The following STPG2 variants were observed in gnomAD, a reference collection of about 807,000 sequenced individuals.
STPG2 encodes sperm tail PG-rich repeat containing 2.
STPG2 carries 56 observed loss-of-function variants against 54.2 expected under a neutral mutation model. That is an observed-to-expected ratio of 1.03 (90% CI 0.83 to 1.29). The LOEUF is 1.29. STPG2 is among the 50% of genes most tolerant of loss of function. The pLI is 0.00. For synonymous variants in STPG2, 200 were observed against 181.8 expected (o/e 1.10, Z -0.81); for missense variants, 596 against 544.9 (o/e 1.09, Z -0.93).
intron 8 of STPG2, among the ~76,000 whole-genome samples, chr4:97,906,981 A>G (rs919295082): frequency 7.4e-5 from 11 of 148,976 alleles, no homozygotes; most frequent in Non-Finnish European, 1.7e-4. Flanking sequence ...CTCTCTCACC[A>G]CTCCTATTCA....
At chr4:97,927,921 A>C (rs748474372) in intron 8 of STPG2, among the ~76,000 whole-genome samples, 4 of 152,144 alleles carry the variant, frequency 2.6e-5, no homozygotes, top group Non-Finnish European at 5.9e-5. Context: ...TGTGATACAC[A>C]GTGTTTTGTG....
At chr4:97,520,207 A>AAAATG (rs1731153703) in intron 4 of STPG2, among the ~76,000 whole-genome samples, 1 of 151,946 alleles carries the variant, frequency 6.6e-6, no homozygotes, top group Non-Finnish European at 1.5e-5. Context: ...TATAGAGGAG[A>AAAATG]AAATGAGCTA....
chr4:97,915,109 A>C (rs1159143988), intron 8 of STPG2, among the ~76,000 whole-genome samples: 1 of 152,180 alleles, frequency 6.6e-6, no homozygotes, highest in Admixed American at 6.5e-5. Context: ...TTAATCCCAC[A>C]GTTTAAGACT....
At chr4:97,862,927 T>C (rs1409578296) in intron 8 of STPG2, among the ~76,000 whole-genome samples, 2 of 152,092 alleles carry the variant, frequency 1.3e-5, no homozygotes, top group Non-Finnish European at 2.9e-5. Context: ...TACCAGAATC[T>C]CTGGGACACA....
At position 97,829,942 on chromosome 4, in the gene STPG2, A is replaced by C. The variant is rs140459669; in HGVS notation, c.1204+10831T>G. Among the ~76,000 whole-genome samples the C allele has an allele frequency of 1.5e-3, 229 of 152,290 alleles. 2 individuals carry two copies. The East Asian group carries it at 0.039, about 26-fold the overall frequency. On this transcript the variant is annotated intron_variant, in intron 9 of 10. Coordinates refer to ENST00000295268, the MANE Select transcript of STPG2 (RefSeq NM_174952.3). ...TGGGGAGAATAGAACCAAGTTGGAAAACACTCTTCAGGATATTATCCAGGA... is the reference window on the plus strand; with the variant it reads ...TGGGGAGAATAGAACCAAGTTGGAACACACTCTTCAGGATATTATCCAGGA...
chr4:97,894,334 C>T (rs1284887562), intron 8 of STPG2, among the ~76,000 whole-genome samples: 3 of 151,902 alleles, frequency 2.0e-5, no homozygotes, highest in African/African-American at 7.2e-5. Context: ...TTCCTCACAA[C>T]ATTCATCTAC....
chr4:97,710,555 C>T (rs1440330354), intron 10 of STPG2, among the ~76,000 whole-genome samples: 1 of 152,018 alleles, frequency 6.6e-6, no homozygotes, highest in Non-Finnish European at 1.5e-5. Context: ...AACTGAATTG[C>T]AATTCTAAAT....
At chr4:97,838,047 C>T (rs1381668733) in intron 9 of STPG2, among the ~76,000 whole-genome samples, 1 of 151,470 alleles carries the variant, frequency 6.6e-6, no homozygotes, top group Non-Finnish European at 1.5e-5. Context: ...AACAAATATG[C>T]ATATCATGTT....
At chr4:98,035,236 T>A (rs1016181679) in intron 5 of STPG2, among the ~76,000 whole-genome samples, 11 of 152,014 alleles carry the variant, frequency 7.2e-5, no homozygotes, top group African/African-American at 2.7e-4. Context: ...TACAAAGAAC[T>A]TAAACAAATT....
chr4:97,874,841 T>TA (rs1007679370), intron 8 of STPG2, among the ~76,000 whole-genome samples: 15 of 151,368 alleles, frequency 9.9e-5, no homozygotes, highest in Non-Finnish European at 2.1e-4. Flanking sequence ...AGTGATCATT[T>TA]AAAAAAAAGA....
At chr4:97,636,573 A>C (rs1382570111) in intron 10 of STPG2, among the ~76,000 whole-genome samples, 2 of 150,554 alleles carry the variant, frequency 1.3e-5, no homozygotes, top group South Asian at 4.2e-4. Flanking sequence ...TGAAAGGATC[A>C]ACAAAATTGA....
At chr4:97,765,555 A>C (rs2149057531) in intron 9 of STPG2, among the ~76,000 whole-genome samples, 1 of 152,270 alleles carries the variant, frequency 6.6e-6, no homozygotes, top group Non-Finnish European at 1.5e-5. Flanking sequence ...GATTGGCATA[A>C]CTTAGGGGGT....
intron 4 of STPG2, among the ~76,000 whole-genome samples, chr4:97,490,425 T>C (rs1236704908): frequency 4.6e-5 from 7 of 151,588 alleles, no homozygotes; most frequent in African/African-American, 1.7e-4. Flanking sequence ...ATTACTTATA[T>C]TCTACTACTC....
chr4:97,499,789 C>T (rs112431851), intron 4 of STPG2, among the ~76,000 whole-genome samples: 1 of 151,994 alleles, frequency 6.6e-6, no homozygotes, highest in African/African-American at 2.4e-5. Context: ...TTCCAGGCAG[C>T]AGAAACAGCT....
At chr4:97,541,633 A>G (rs879121678) in intron 4 of STPG2, among the ~76,000 whole-genome samples, 2 of 152,210 alleles carry the variant, frequency 1.3e-5, no homozygotes, top group Non-Finnish European at 2.9e-5. Context: ...TAGAGTTTAT[A>G]TGGAACCAAA....
At chr4:97,847,332 G>A (rs750571973) in intron 8 of STPG2, among the ~76,000 whole-genome samples, 16 of 152,030 alleles carry the variant, frequency 1.1e-4, no homozygotes, top group East Asian at 1.9e-4. Flanking sequence ...CATATGCCTC[G>A]TAAAATACAT....
At chr4:97,928,675 A>G (rs1215050) in intron 8 of STPG2, among the ~76,000 whole-genome samples, 48,830 of 151,854 alleles carry the variant, frequency 0.32, 9,354 homozygotes, top group Non-Finnish European at 0.42. Context: ...TGTTGCATGT[A>G]CCATTACAAG....
chr4:98,107,222 G>A (rs541812322), intron 4 of STPG2, among the ~76,000 whole-genome samples: 30 of 152,016 alleles, frequency 2.0e-4, no homozygotes, highest in Non-Finnish European at 3.7e-4. Flanking sequence ...CTTTCATTTA[G>A]AGTAACCAAA....
intron 4 of STPG2, among the ~76,000 whole-genome samples, chr4:97,510,057 G>T (rs572379042): frequency 6.6e-6 from 1 of 151,880 alleles, no homozygotes. Flanking sequence ...TTCTAGAGCC[G>T]GTATCCCCAG....
Sources: allele counts gnomAD v4.1 joint callset (sites outside exome capture counted in the v4.1 genomes callset), GRCh38; gene constraint gnomAD v4.1.1; transcripts MANE v1.5; gene names NCBI Gene and HGNC (gene_info 2026-07-23, HGNC 2026-07-21).